SCARB2: variants seen among roughly 807,000 people sequenced by gnomAD.
The protein encoded by SCARB2 is scavenger receptor class B member 2.
SCARB2 carries 29 observed loss-of-function variants against 58.6 expected under a neutral mutation model. That is an observed-to-expected ratio of 0.49 (90% CI 0.37 to 0.67). SCARB2 has a LOEUF of 0.67. Among genes scored for constraint, SCARB2 ranks in the 30% least tolerant of loss-of-function variants. SCARB2 has a pLI of 0.00. For missense variants in SCARB2, 488 were observed against 578.5 expected (o/e 0.84, Z 1.60); for synonymous variants, 195 against 210.1 (o/e 0.93, Z 0.62).
chr4:76,213,852 C>A (rs545316559), upstream of SCARB2: 3 of 200,164 alleles, frequency 1.5e-5, no homozygotes, highest in South Asian at 4.6e-4. Context: ...ACGTGACGTT[C>A]GCGGGCCGGG....
upstream of SCARB2, among the ~76,000 whole-genome samples, chr4:76,217,364 T>C (rs974792337): frequency 1.3e-5 from 2 of 152,224 alleles, no homozygotes; most frequent in African/African-American, 4.8e-5. Flanking sequence ...AAATCTCATG[T>C]TGAAATTTGA....
chr4:76,162,918 T>G, intron 11 of SCARB2: 1 of 569,458 alleles, frequency 1.8e-6, no homozygotes, highest in Non-Finnish European at 3.1e-6. Context: ...TGTGTAACTG[T>G]TATATATTCT....
chr4:76,170,799 C>T (rs572270043), intron 7 of SCARB2, among the ~76,000 whole-genome samples: 1 of 152,174 alleles, frequency 6.6e-6, no homozygotes, highest in Admixed American at 6.5e-5. Flanking sequence ...AGATTACAGG[C>T]TTGAGCCACC....
intron 11 of SCARB2, 138 bp downstream of exon 11, chr4:76,163,087 A>T (rs1731931580): frequency 1.8e-6 from 2 of 1,082,748 alleles, no homozygotes; most frequent in East Asian, 4.9e-5. Flanking sequence ...CAGTAAAATA[A>T]GCACGAAATC....
At chr4:76,199,544 C>T (rs560020384) in intron 1 of SCARB2, among the ~76,000 whole-genome samples, 41 of 152,226 alleles carry the variant, frequency 2.7e-4, no homozygotes, top group African/African-American at 9.6e-4. Context: ...CGGACTGAAC[C>T]GAAATATCAC....
chr4:76,178,650 C>G (rs911413089), intron 4 of SCARB2, among the ~76,000 whole-genome samples: 1 of 152,164 alleles, frequency 6.6e-6, no homozygotes, highest in African/African-American at 2.4e-5. Context: ...TCCTCTGAGA[C>G]AGGACCCTCT....
upstream of SCARB2, among the ~76,000 whole-genome samples, chr4:76,216,729 T>C (rs1004723517): frequency 6.6e-6 from 1 of 152,214 alleles, no homozygotes; most frequent in East Asian, 1.9e-4. Flanking sequence ...CACTTCCCCT[T>C]TAAAACTCTG....
rs1185793193 is a variant in SCARB2 at position 76,161,650 on chromosome 4, T to C, written c.*63A>G. ...CAAGCCTGCAAGGAGGTGGAGGGTT[T>C]CCCCACGTCATCGTCCAGGTCAGGA... On this transcript the variant is annotated 3_prime_UTR_variant, in exon 12 of 12. Transcript: ENST00000264896. The C allele has an allele frequency of 1.9e-6, 3 of 1,560,560 alleles. No individual in the cohort carries two copies. The highest frequency in any genetic ancestry group is 1.4e-5 in the African/African-American group (1 of 73,740).
At chr4:76,193,957 G>A (rs950165458) in intron 2 of SCARB2, 1 of 152,242 alleles carries the variant, frequency 6.6e-6, no homozygotes, top group African/African-American at 2.4e-5. Flanking sequence ...AATCTTCAGT[G>A]TTGGAGGTAG....
chr4:76,207,391 A>C (rs1732950528), intron 1 of SCARB2, among the ~76,000 whole-genome samples: 1 of 152,202 alleles, frequency 6.6e-6, no homozygotes, highest in Admixed American at 6.5e-5. Context: ...CAGGAGTTTA[A>C]ATTGGATTAT....
At chr4:76,200,510 T>C (rs887891375) in intron 1 of SCARB2, among the ~76,000 whole-genome samples, 3 of 152,246 alleles carry the variant, frequency 2.0e-5, no homozygotes, top group African/African-American at 7.2e-5. Context: ...ACCCAATATG[T>C]ACCTACTGAG....
intron 1 of SCARB2, among the ~76,000 whole-genome samples, 161 bp from the exon 2 acceptor site, chr4:76,196,025 C>G (rs1467236806): frequency 6.6e-6 from 1 of 152,222 alleles, no homozygotes. Context: ...AGGGCCATAT[C>G]TTACACCAAT....
Position 76,161,641 on chromosome 4 carries a change from T to G in SCARB2, c.*72A>C, listed in dbSNP as rs1731899711. On this transcript the variant is annotated 3_prime_UTR_variant, in exon 12 of 12. Transcript: ENST00000264896. Reference sequence around the variant, plus strand: ...AACAGGCAACAAGCCTGCAAGGAGGTGGAGGGTTTCCCCACGTCATCGTCC... The same window carrying G: ...AACAGGCAACAAGCCTGCAAGGAGGGGGAGGGTTTCCCCACGTCATCGTCC... 1 of 1,506,244 alleles carries G rather than the reference T, an allele frequency of 6.6e-7. No homozygotes were observed. The highest frequency in any genetic ancestry group is 9.2e-7 in the Non-Finnish European group (1 of 1,082,170). The allele number at this position is 1,506,244 out of a possible 1,614,324, so 93.3% of individuals were successfully genotyped here.
rs1578710032 is a variant in SCARB2 at position 76,160,381 on chromosome 4, T to G, written c.*1332A>C. 1 of 152,208 alleles carries G rather than the reference T, an allele frequency of 6.6e-6. No individual in the cohort carries two copies. Among genetic ancestry groups the G allele is most frequent in the African/African-American group, 2.4e-5 (1 of 41,444 alleles). The allele number at this position is 152,208 out of a possible 1,614,324, so 9.4% of individuals were successfully genotyped here. A position where few individuals can be genotyped will look rare whatever the true frequency, so the allele number is the denominator to read the frequency against. ...CTTTGAGAATCAAAGAAAATGCCCT[T>G]AAATATGCTTGAATTCTGAACACTG... On this transcript the variant is annotated 3_prime_UTR_variant, in exon 12 of 12. Coordinates refer to ENST00000264896, the MANE Select transcript of SCARB2 (RefSeq NM_005506.4).
At position 76,176,493 on chromosome 4, in the gene SCARB2, T is replaced by C. The variant is rs760354666; in HGVS notation, c.648A>G (p.Leu216=). The C allele has an allele frequency of 6.2e-7, 1 of 1,612,016 alleles. No individual in the cohort carries two copies. The highest frequency in any genetic ancestry group is 8.5e-7 in the Non-Finnish European group (1 of 1,178,944). Residue 216 remains leucine, a synonymous_variant, in exon 5 of 12, where the codon CTA becomes CTG. Transcript: ENST00000264896. ...AGTTAAGGTAACTGTCTTCTCCAGT[T>C]AGAAAAACATAGTCTCCATCATTAG... ...NGTNDGDYVF[L]TGEDSYLNFT... is the part of the protein sequence containing the mutation.
chr4:76,183,836 C>T (rs1461819488), intron 2 of SCARB2, among the ~76,000 whole-genome samples: 1 of 152,196 alleles, frequency 6.6e-6, no homozygotes, highest in African/African-American at 2.4e-5. Context: ...AATTCACTAG[C>T]ATACAAAAAG....
At chr4:76,167,792 T>C (rs142484348) in intron 9 of SCARB2, among the ~76,000 whole-genome samples, 3,916 of 150,756 alleles carry the variant, frequency 0.026, 155 homozygotes, top group African/African-American at 0.09. Context: ...AGCGATTCTC[T>C]TGCCTCAGCC....
chr4:76,191,706 T>C (rs1732609138), intron 2 of SCARB2: 1 of 152,192 alleles, frequency 6.6e-6, no homozygotes, highest in Non-Finnish European at 1.5e-5. Flanking sequence ...TCCCTCTTTC[T>C]TTTCTTTCTT....
chr4:76,229,329 T>C (rs574611120), intron 1 of SCARB2, among the ~76,000 whole-genome samples: 78 of 152,350 alleles, frequency 5.1e-4, no homozygotes, highest in African/African-American at 1.8e-3. Flanking sequence ...ACCTTCTGAA[T>C]TCTTCATGTG....
Sources: gnomAD v4.1 joint callset for allele counts (sites outside exome capture counted in the v4.1 genomes callset) on GRCh38, gnomAD v4.1.1 for gene constraint, MANE v1.5 for transcripts, NCBI Gene and HGNC (gene_info 2026-07-23, HGNC 2026-07-21) for gene names.